The following MCU variants were observed in gnomAD, a reference collection of about 807,000 sequenced individuals.
The protein encoded by MCU is calcium uniporter protein, mitochondrial.
MCU carries 12 observed loss-of-function variants against 45.2 expected under a neutral mutation model. That is an observed-to-expected ratio of 0.27 (90% confidence interval 0.17 to 0.43). The LOEUF (loss-of-function observed/expected upper bound fraction) is 0.43, where lower values mean the gene tolerates loss of function less well. MCU is among the 20% of genes least tolerant of loss of function. The pLI, the probability that MCU is intolerant of heterozygous loss-of-function variation, is 1.00. For synonymous variants in MCU, 160 were observed against 165.1 expected (o/e 0.97, Z 0.24); for missense variants, 324 against 436.7 (o/e 0.74, Z 2.30).
At chr10:72,787,396 G>A (rs142373267) in intron 1 of MCU, among the ~76,000 whole-genome samples, 6,103 of 152,206 alleles carry the variant, frequency 0.04, 410 homozygotes, top group African/African-American at 0.14. Flanking sequence ...AGCCTCGAGA[G>A]TAGCTGGGAT....
intron 1 of MCU, among the ~76,000 whole-genome samples, chr10:72,756,074 C>T (rs1010417892): frequency 6.6e-6 from 1 of 152,134 alleles, no homozygotes; most frequent in African/African-American, 2.4e-5. Context: ...GGGTCTCGAA[C>T]TCCTGGTCTC....
chr10:72,788,808 T>C (rs1844115655), intron 1 of MCU, among the ~76,000 whole-genome samples: 2 of 152,232 alleles, frequency 1.3e-5, no homozygotes, highest in African/African-American at 4.8e-5. Flanking sequence ...GTATAGTTGA[T>C]TCTTGATAAA....
rs1167947569 is a variant in MCU at position 72,768,311 on chromosome 10, G to GT, written c.151-66045dup. ...GCCTAGGTTTTGAGATAGACATATG[G>GT]TTTGTAGTCAATAAGATTCTGAAGA... On this transcript the variant is annotated intron_variant, in intron 1 of 7. Transcript: ENST00000373053. Among the ~76,000 whole-genome samples the GT allele has an allele frequency of 2.0e-5, 3 of 152,214 alleles. No homozygotes were observed. In the East Asian group the frequency reaches 5.8e-4, roughly 29 times the overall value.
At chr10:72,789,238 A>T (rs970007345) in intron 1 of MCU, among the ~76,000 whole-genome samples, 7 of 152,168 alleles carry the variant, frequency 4.6e-5, no homozygotes, top group Non-Finnish European at 8.8e-5. Flanking sequence ...AAAGAATATA[A>T]TCTTAGCACA....
chr10:72,813,034 A>G (rs1262134656), intron 1 of MCU, among the ~76,000 whole-genome samples: 1 of 152,210 alleles, frequency 6.6e-6, no homozygotes, highest in African/African-American at 2.4e-5. Flanking sequence ...GCCAGCATTT[A>G]GAATACAGTC....
At chr10:72,717,162 A>G (rs1217779723) in intron 1 of MCU, among the ~76,000 whole-genome samples, 11 of 150,772 alleles carry the variant, frequency 7.3e-5, no homozygotes, top group Non-Finnish European at 8.8e-5. Flanking sequence ...GTAAAAGCAA[A>G]GACTCAATGA....
intron 1 of MCU, among the ~76,000 whole-genome samples, chr10:72,702,598 T>C (rs1320809628): frequency 6.6e-6 from 1 of 152,190 alleles, no homozygotes; most frequent in African/African-American, 2.4e-5. Context: ...TGTGCTTCTT[T>C]TTTTTCTAAA....
intron 2 of MCU, among the ~76,000 whole-genome samples, chr10:72,848,794 A>G (rs761942489): frequency 1.3e-5 from 2 of 152,138 alleles, no homozygotes; most frequent in African/African-American, 2.4e-5. Flanking sequence ...GGTAAACACC[A>G]ACTACCAACT....
intron 2 of MCU, among the ~76,000 whole-genome samples, chr10:72,847,335 T>C (rs1362453016): frequency 3.3e-5 from 5 of 152,146 alleles, no homozygotes; most frequent in Non-Finnish European, 5.9e-5. Context: ...CCCATCCTCA[T>C]AGGCCACTCG....
intron 1 of MCU, among the ~76,000 whole-genome samples, chr10:72,801,018 G>A (rs1259221596): frequency 6.6e-6 from 1 of 152,094 alleles, no homozygotes; most frequent in Non-Finnish European, 1.5e-5. Flanking sequence ...AAGGCCGGAA[G>A]TTTGAGGCTA....
chr10:72,729,975 T>TTTTC (rs1843150105), intron 1 of MCU, among the ~76,000 whole-genome samples: 1 of 107,156 alleles, frequency 9.3e-6, no homozygotes. Flanking sequence ...TTTTTTTTTT[T>TTTTC]CGAGACAGTG....
At chr10:72,880,662 A>T (rs1198541850) in intron 6 of MCU, among the ~76,000 whole-genome samples, 1 of 152,204 alleles carries the variant, frequency 6.6e-6, no homozygotes, top group Non-Finnish European at 1.5e-5. Context: ...AAAATGTAAA[A>T]GACTAAGAAA....
At chr10:72,792,278 G>T (rs1844172912) in intron 1 of MCU, among the ~76,000 whole-genome samples, 1 of 152,180 alleles carries the variant, frequency 6.6e-6, no homozygotes, top group South Asian at 2.1e-4. Flanking sequence ...GTCAATGCAT[G>T]GAGGTTACAC....
chr10:72,698,752 G>T (rs1205654182), intron 1 of MCU, among the ~76,000 whole-genome samples: 2 of 152,178 alleles, frequency 1.3e-5, no homozygotes, highest in Admixed American at 1.3e-4. Context: ...TGATCGGCCT[G>T]CCTCAGCCTC....
intron 1 of MCU, among the ~76,000 whole-genome samples, chr10:72,755,664 T>C (rs1296746281): frequency 2.0e-5 from 3 of 152,226 alleles, no homozygotes; most frequent in East Asian, 3.8e-4. Flanking sequence ...ACTATGAGTT[T>C]GCACTTGTAG....
intron 2 of MCU, among the ~76,000 whole-genome samples, chr10:72,854,552 A>G (rs558088861): frequency 1.3e-5 from 2 of 152,328 alleles, no homozygotes; most frequent in East Asian, 1.9e-4. Context: ...CTAAAGTGAT[A>G]TTATATTATT....
rs1269841947 is a variant in MCU, at chr10:72,835,273, T to TA, written c.220+846dup. Among the ~76,000 whole-genome samples the TA allele has an allele frequency of 2.0e-5, 3 of 152,224 alleles. No individual in the cohort carries two copies. The East Asian group carries it at 5.8e-4, about 29-fold the overall frequency. Reference sequence around the variant, plus strand: ...ACAGGATCCAAACCTTTGTTGTTTTTATGGTAGTGGAGGGAGATGTGTTTA... The same window carrying TA: ...ACAGGATCCAAACCTTTGTTGTTTTTAATGGTAGTGGAGGGAGATGTGTTTA... On this transcript the variant is annotated intron_variant, in intron 2 of 7. Transcript: ENST00000373053.
At chr10:72,837,856 GT>G (rs765624802) in intron 2 of MCU, among the ~76,000 whole-genome samples, 276 of 132,012 alleles carry the variant, frequency 2.1e-3, no homozygotes, top group Middle Eastern at 0.011. Context: ...CCCAATACTG[GT>G]TTTTTTTTTT....
At chr10:72,876,619 C>T (rs2132893410) in intron 6 of MCU, among the ~76,000 whole-genome samples, 1 of 152,290 alleles carries the variant, frequency 6.6e-6, no homozygotes, top group Admixed American at 6.5e-5. Flanking sequence ...AGATCCCCAT[C>T]CCACCCTTAA....
Sources: allele counts gnomAD v4.1 joint callset (sites outside exome capture counted in the v4.1 genomes callset), GRCh38; gene constraint gnomAD v4.1.1; transcripts MANE v1.5; gene names NCBI Gene and HGNC (gene_info 2026-07-23, HGNC 2026-07-21).